The following MYO1D variants were observed in gnomAD, a reference collection of about 807,000 sequenced individuals.
MYO1D encodes myosin ID.
MYO1D carries 83 observed loss-of-function variants against 122.0 expected under a neutral mutation model. That is an observed-to-expected ratio of 0.68 (90% confidence interval 0.57 to 0.82). The LOEUF (loss-of-function observed/expected upper bound fraction) is 0.82, where lower values mean the gene tolerates loss of function less well. Among genes scored for constraint, MYO1D ranks in the 40% least tolerant of loss-of-function variants. The pLI, the probability that MYO1D is intolerant of heterozygous loss-of-function variation, is 0.00. For missense variants in MYO1D, 1,157 were observed against 1,269.5 expected, an observed-to-expected ratio of 0.91 and a Z score of 1.35; for synonymous variants, 464 against 446.9, an observed-to-expected ratio of 1.04 and a Z score of -0.48.
At chr17:32,701,293 A>G (rs1318851436) in intron 16 of MYO1D, among the ~76,000 whole-genome samples, 1 of 152,206 alleles carries the variant, frequency 6.6e-6, no homozygotes, top group Admixed American at 6.5e-5. Context: ...ACTCCAACAA[A>G]TACCCCCTTC....
intron 14 of MYO1D, among the ~76,000 whole-genome samples, chr17:32,733,623 C>T (rs1008730747): frequency 6.6e-6 from 1 of 152,124 alleles, no homozygotes; most frequent in Non-Finnish European, 1.5e-5. Context: ...TTATTAGATA[C>T]CCTACTTTGG....
intron 8 of MYO1D, among the ~76,000 whole-genome samples, chr17:32,760,852 C>T (rs995602772): frequency 1.3e-5 from 2 of 152,128 alleles, no homozygotes; most frequent in African/African-American, 2.4e-5. Flanking sequence ...AGATTATTAC[C>T]GGTCATTATA....
At chr17:32,714,391 G>A (rs557520979) in intron 15 of MYO1D, among the ~76,000 whole-genome samples, 9 of 152,082 alleles carry the variant, frequency 5.9e-5, no homozygotes, top group Non-Finnish European at 1.3e-4. Flanking sequence ...CCCTGCAAAG[G>A]GCATTACCTC....
intron 6 of MYO1D, 40 bp downstream of exon 6, chr17:32,771,085 T>G: frequency 6.9e-7 from 1 of 1,456,090 alleles, no homozygotes; most frequent in Non-Finnish European, 9.6e-7. Context: ...ATCCTTTGAC[T>G]GATTTTCTAT....
At chr17:32,640,017 G>T (rs1188713271) in intron 19 of MYO1D, among the ~76,000 whole-genome samples, 1 of 152,108 alleles carries the variant, frequency 6.6e-6, no homozygotes, top group South Asian at 2.1e-4. Flanking sequence ...GGAGGATATA[G>T]CAAACTAAAA....
At chr17:32,696,466 T>C (rs2089175651) in intron 16 of MYO1D, among the ~76,000 whole-genome samples, 1 of 152,192 alleles carries the variant, frequency 6.6e-6, no homozygotes, top group African/African-American at 2.4e-5. Flanking sequence ...AATTAGAGGC[T>C]GCCAAGCTCA....
At chr17:32,581,043 T>C (rs968063702) in intron 21 of MYO1D, among the ~76,000 whole-genome samples, 1 of 151,782 alleles carries the variant, frequency 6.6e-6, no homozygotes, top group East Asian at 1.9e-4. Flanking sequence ...CTTAAATCTA[T>C]AGTAGAACTC....
intron 15 of MYO1D, among the ~76,000 whole-genome samples, chr17:32,717,937 A>G (rs935743691): frequency 6.6e-6 from 1 of 151,732 alleles, no homozygotes; most frequent in African/African-American, 2.4e-5. Context: ...CCTCTCCCCT[A>G]TTCTTGGTGT....
rs59636963 is a variant in MYO1D, at chr17:32,528,116, C to T, written c.2865-33201G>A. 6.1e-3 allele frequency among the ~76,000 whole-genome samples: 936 copies of T among 152,310 alleles called. 11 individuals carry two copies. The highest frequency in any genetic ancestry group is 0.021 in the African/African-American group (881 of 41,572). On this transcript the variant is annotated intron_variant, in intron 21 of 21. Coordinates refer to ENST00000318217, the MANE Select transcript of MYO1D (RefSeq NM_015194.3). ...CCTCCCAAAGTGCTGGGATTACAGG[C>T]GTGAGCCACTGCGCCCGGCTGACTT...
At chr17:32,771,921 G>A (rs2090116558) in intron 5 of MYO1D, among the ~76,000 whole-genome samples, 1 of 152,042 alleles carries the variant, frequency 6.6e-6, no homozygotes, top group African/African-American at 2.4e-5. Context: ...GTTTTTGGAA[G>A]GTATTAGGTT....
intron 21 of MYO1D, chr17:32,510,259 T>G (rs1218087442): frequency 1.3e-5 from 2 of 152,286 alleles, no homozygotes; most frequent in Non-Finnish European, 2.9e-5. Context: ...CATGGAATTC[T>G]TTAATACCAG....
At position 32,876,778 on chromosome 17, in the gene MYO1D, C is replaced by A. The variant is rs144294170; in HGVS notation, c.95G>T (p.Arg32Ile). ...MPEFMANLRL[R>I]FEKGRIYTFI... ...CTGCGCGCGGCCGCTCCGCCCTCAC[C>A]TGAGCCTGAGGTTGGCCATGAACTC... Residue 32 changes from arginine (R) to isoleucine (I), a missense_variant and splice_region_variant, in exon 1 of 22, where the codon AGA (arginine) becomes ATA (isoleucine). Coordinates refer to ENST00000318217, the MANE Select transcript of MYO1D (RefSeq NM_015194.3). 1.3e-6 allele frequency: 2 copies of A among 1,509,074 alleles called. No homozygotes were observed. Among genetic ancestry groups the A allele is most frequent in the Non-Finnish European group, 1.8e-6 (2 of 1,128,568 alleles). 93.5% of individuals were successfully genotyped at this position (1,509,074 alleles called of 1,614,324 possible). A position where few individuals can be genotyped will look rare whatever the true frequency, so the allele number is the denominator to read the frequency against.
At chr17:32,864,693 T>C (rs2091109174) in intron 1 of MYO1D, among the ~76,000 whole-genome samples, 2 of 152,130 alleles carry the variant, frequency 1.3e-5, no homozygotes, top group Admixed American at 1.3e-4. Context: ...AAAAATCAGA[T>C]TATATACATA....
chr17:32,863,391 A>T (rs2091094663), intron 1 of MYO1D, among the ~76,000 whole-genome samples: 1 of 152,228 alleles, frequency 6.6e-6, no homozygotes, highest in South Asian at 2.1e-4. Flanking sequence ...TGATATACCC[A>T]AGGTAACCCC....
intron 20 of MYO1D, among the ~76,000 whole-genome samples, chr17:32,629,348 CAA>C (rs1462225709): frequency 1.3e-5 from 2 of 152,092 alleles, no homozygotes; most frequent in African/African-American, 4.8e-5. Context: ...TCAACAGCAT[CAA>C]GAGTGAACCT....
rs532544707 is a variant in MYO1D, at chr17:32,731,675, G to A, written c.1746+6578C>T. On this transcript the variant is annotated intron_variant, in intron 14 of 21. Coordinates refer to ENST00000318217, the MANE Select transcript of MYO1D (RefSeq NM_015194.3). ...AGGTGCATCTGGGGTTGTGTGCTCC[G>A]TGGAGCTGGCAGTAGCCAGGAACAG... Among the ~76,000 whole-genome samples the A allele has an allele frequency of 1.6e-4, 25 of 152,334 alleles. No individual in the cohort carries two copies. The South Asian group carries it at 2.5e-3, about 15-fold the overall frequency.
intron 1 of MYO1D, among the ~76,000 whole-genome samples, chr17:32,800,037 A>C (rs1176105953): frequency 6.6e-6 from 1 of 152,208 alleles, no homozygotes; most frequent in African/African-American, 2.4e-5. Flanking sequence ...AAATGAGATA[A>C]GAAGTGTTAG....
intron 16 of MYO1D, among the ~76,000 whole-genome samples, chr17:32,688,550 TGAA>T (rs1046509316): frequency 6.6e-6 from 1 of 152,156 alleles, no homozygotes; most frequent in Non-Finnish European, 1.5e-5. Flanking sequence ...GAATCGAACT[TGAA>T]GAACACTGTA....
At chr17:32,653,607 CA>C (rs35172819) in intron 19 of MYO1D, among the ~76,000 whole-genome samples, 4,814 of 99,726 alleles carry the variant, frequency 0.048, 64 homozygotes, top group Non-Finnish European at 0.063. Context: ...ACTCCGTCTC[CA>C]AAAAAAAAAA....
Sources: allele counts gnomAD v4.1 joint callset (sites outside exome capture counted in the v4.1 genomes callset), GRCh38; gene constraint gnomAD v4.1.1; transcripts MANE v1.5; gene names NCBI Gene and HGNC (gene_info 2026-07-23, HGNC 2026-07-21).